CCR5AS: variants seen among roughly 807,000 people sequenced by gnomAD.
The protein encoded by CCR5AS is CCR5 antisense RNA.
At chr3:46,381,621 C>T (rs1480705545) in intron 2 of CCR5AS, among the ~76,000 whole-genome samples, 2 of 152,294 alleles carry the variant, frequency 1.3e-5, no homozygotes, top group East Asian at 3.9e-4. Flanking sequence ...GGGAGAATTT[C>T]AATATTGTCT....
chr3:46,391,560 G>C (rs148824165), intron 2 of CCR5AS, among the ~76,000 whole-genome samples: 1 of 152,260 alleles, frequency 6.6e-6, no homozygotes, highest in East Asian at 1.9e-4. Flanking sequence ...GACTCAGCTG[G>C]GTTTTCATAT....
At chr3:46,396,761 C>T (rs890272700) in intron 1 of CCR5AS, among the ~76,000 whole-genome samples, 16 of 152,212 alleles carry the variant, frequency 1.1e-4, no homozygotes, top group African/African-American at 2.7e-4. Flanking sequence ...TGGGCAGCTT[C>T]TCCCTCTGCC....
At chr3:46,393,305 A>T (rs1219741433) in intron 1 of CCR5AS, among the ~76,000 whole-genome samples, 2 of 151,970 alleles carry the variant, frequency 1.3e-5, no homozygotes, top group Non-Finnish European at 2.9e-5. Flanking sequence ...GCCTATTTTC[A>T]CTTCTTTTGT....
chr3:46,396,500 G>A (rs943127506), intron 1 of CCR5AS, among the ~76,000 whole-genome samples: 1 of 152,192 alleles, frequency 6.6e-6, no homozygotes, highest in Non-Finnish European at 1.5e-5. Flanking sequence ...TGGATACTGT[G>A]AGACTCTGCC....
chr3:46,384,175 G>A (rs1047289041), intron 2 of CCR5AS, among the ~76,000 whole-genome samples: 1 of 152,246 alleles, frequency 6.6e-6, no homozygotes, highest in Non-Finnish European at 1.5e-5. Flanking sequence ...AGACGAGCTT[G>A]AGGAAGTGGT....
intron 2 of CCR5AS, among the ~76,000 whole-genome samples, chr3:46,381,216 GC>G (rs1184227181): frequency 6.6e-6 from 1 of 152,096 alleles, no homozygotes; most frequent in Non-Finnish European, 1.5e-5. Flanking sequence ...ATAGAAAAGG[GC>G]CTGTCTGAGA....
At chr3:46,379,128 G>A (rs1559570832) in intron 2 of CCR5AS, among the ~76,000 whole-genome samples, 3 of 147,450 alleles carry the variant, frequency 2.0e-5, no homozygotes, top group South Asian at 2.2e-4. Context: ...CCACTAACTC[G>A]TCATCTAGCA....
chr3:46,395,211 G>A (rs765792380), intron 1 of CCR5AS, among the ~76,000 whole-genome samples: 36 of 152,130 alleles, frequency 2.4e-4, no homozygotes, highest in Non-Finnish European at 4.4e-4. Flanking sequence ...CTGGTTTTAG[G>A]ATGTGGGTCA....
chr3:46,392,275 TG>T (rs1396399844), intron 2 of CCR5AS, among the ~76,000 whole-genome samples: 3 of 152,170 alleles, frequency 2.0e-5, no homozygotes, highest in African/African-American at 7.2e-5. Context: ...CCATAACTGT[TG>T]TGGGTATTGA....
intron 1 of CCR5AS, among the ~76,000 whole-genome samples, chr3:46,396,975 T>C (rs1247232799): frequency 6.6e-6 from 1 of 152,200 alleles, no homozygotes; most frequent in Non-Finnish European, 1.5e-5. Flanking sequence ...GTCACCACCT[T>C]GAATTCTATC....
chr3:46,368,141 G>A (rs1701617817), intron 3 of CCR5AS, among the ~76,000 whole-genome samples: 1 of 152,186 alleles, frequency 6.6e-6, no homozygotes, highest in Admixed American at 6.5e-5. Flanking sequence ...TTGGAACATA[G>A]GTGCAGTGAC....
At chr3:46,403,629 C>A (rs895325815) in intron 1 of CCR5AS, among the ~76,000 whole-genome samples, 2 of 152,194 alleles carry the variant, frequency 1.3e-5, no homozygotes, top group Non-Finnish European at 2.9e-5. Flanking sequence ...GTGGCTGCAA[C>A]CCAATGGATG....
At chr3:46,384,864 G>C (rs1483664334) in intron 2 of CCR5AS, among the ~76,000 whole-genome samples, 1 of 4,132 alleles carries the variant, frequency 2.4e-4, no homozygotes, top group Admixed American at 4.1e-3. Flanking sequence ...ATGATAGATA[G>C]ATAGATAGAT....
intron 2 of CCR5AS, among the ~76,000 whole-genome samples, chr3:46,377,768 C>G (rs11575814): frequency 6.6e-6 from 1 of 151,630 alleles, no homozygotes; most frequent in Non-Finnish European, 1.5e-5. Flanking sequence ...TGCAATGGTG[C>G]GATCTCGGCT....
chr3:46,386,500 A>G (rs1015058832), intron 2 of CCR5AS, among the ~76,000 whole-genome samples: 3 of 152,212 alleles, frequency 2.0e-5, no homozygotes, highest in Non-Finnish European at 4.4e-5. Context: ...GGCCTGGACT[A>G]TGGCAGAGAC....
At chr3:46,382,038 A>G (rs1575283128) in intron 2 of CCR5AS, among the ~76,000 whole-genome samples, 1 of 152,382 alleles carries the variant, frequency 6.6e-6, no homozygotes, top group South Asian at 2.1e-4. Flanking sequence ...GTTTGCTAAC[A>G]AAGAGAAGCC....
chr3:46,403,932 C>A (rs142863238), intron 1 of CCR5AS, among the ~76,000 whole-genome samples: 10 of 152,282 alleles, frequency 6.6e-5, no homozygotes, highest in African/African-American at 2.4e-4. Context: ...ATCCCAGAAC[C>A]AGAAAGAAAA....
chr3:46,394,456 C>G (rs1424277300), intron 1 of CCR5AS, among the ~76,000 whole-genome samples: 1 of 152,214 alleles, frequency 6.6e-6, no homozygotes, highest in African/African-American at 2.4e-5. Context: ...CTCTCTCTTT[C>G]TTCACCCACT....
rs776859902 is a variant in CCR5AS at position 46,373,966 on chromosome 3, G to A, written n.392-2549C>T. 5.8e-6 allele frequency: 9 copies of A among 1,547,466 alleles called. No individual in the cohort carries two copies. The African/African-American group carries it at 8.2e-5, about 14-fold the overall frequency. On this transcript the variant is annotated intron_variant and non_coding_transcript_variant, in intron 2 of 3. Transcript: ENST00000451485. ...GAAATATCTGTGGGCTTGTGACACG[G>A]ACTCAAGTGGGCTGGTGACCCAGTC...
Sources: gnomAD v4.1 joint callset for allele counts (sites outside exome capture counted in the v4.1 genomes callset) on GRCh38, gnomAD v4.1.1 for gene constraint, MANE v1.5 for transcripts, NCBI Gene and HGNC (gene_info 2026-07-23, HGNC 2026-07-21) for gene names.